KIAA2012: variants seen among roughly 807,000 people sequenced by gnomAD.
The protein encoded by KIAA2012 is uncharacterized protein KIAA2012.
In KIAA2012, 125 loss-of-function variants were observed where a neutral mutation model predicts 150.6. The ratio of observed to expected loss-of-function variants is 0.83; its 90% CI spans 0.72 to 0.96. The LOEUF (loss-of-function observed/expected upper bound fraction) is 0.96, where lower values mean the gene tolerates loss of function less well. Ranked by LOEUF, KIAA2012 falls within the 40% of genes least tolerant of loss-of-function variation. The pLI, the probability that KIAA2012 is intolerant of heterozygous loss-of-function variation, is 0.00. For missense variants in KIAA2012, 1,219 were observed against 1,354.9 expected, an observed-to-expected ratio of 0.90 and a Z score of 1.57; for synonymous variants, 462 against 504.7, an observed-to-expected ratio of 0.92 and a Z score of 1.13.
chr2:202,106,690 A>AT (rs1413029543), intron 9 of KIAA2012, among the ~76,000 whole-genome samples: 7 of 135,972 alleles, frequency 5.1e-5, no homozygotes, highest in East Asian at 2.0e-4. Context: ...CTGTCTAAAA[A>AT]TAAAAAAAAA....
chr2:202,087,064 G>T (rs945193835), intron 2 of KIAA2012, among the ~76,000 whole-genome samples: 3 of 152,122 alleles, frequency 2.0e-5, no homozygotes, highest in Non-Finnish European at 4.4e-5. Flanking sequence ...CCCACTACTT[G>T]TTTGTGTAAA....
intron 15 of KIAA2012, among the ~76,000 whole-genome samples, chr2:202,174,791 A>C (rs891632646): frequency 1.3e-5 from 2 of 152,204 alleles, no homozygotes; most frequent in African/African-American, 2.4e-5. Context: ...AAAGATGAGA[A>C]ATGACTTTTT....
Position 202,098,811 on chromosome 2 carries a change from T to C in KIAA2012, c.829-802T>C, listed in dbSNP as rs1441153143. On this transcript the variant is annotated intron_variant, in intron 5 of 23. Transcript: ENST00000498697. ...GGCCGTGTGTGTGTGTGTGTGTGTG[T>C]GTGTGTGTGCACGCGCGCGCGCGCG... is the stretch of plus-strand genomic sequence containing the variant. 2.1e-5 allele frequency among the ~76,000 whole-genome samples: 3 copies of C among 142,142 alleles called. No individual in the cohort carries two copies. In the East Asian group the frequency reaches 8.0e-4, roughly 38 times the overall value. The allele number at this position is 142,142 out of a possible 152,430, so 93.3% of individuals were successfully genotyped here. A position where few individuals can be genotyped will look rare whatever the true frequency, so the allele number is the denominator to read the frequency against.
chr2:202,150,903 T>C (rs1160294535), intron 13 of KIAA2012, among the ~76,000 whole-genome samples: 1 of 152,208 alleles, frequency 6.6e-6, no homozygotes, highest in African/African-American at 2.4e-5. Context: ...AGACCTTGAC[T>C]CCTGATCACT....
At chr2:202,109,818 C>T in intron 10 of KIAA2012, 29 bp downstream of exon 10, 1 of 1,500,778 alleles carries the variant, frequency 6.7e-7, no homozygotes, top group Non-Finnish European at 8.9e-7. Context: ...CATAGACGCC[C>T]CCCACTGGCT....
At chr2:202,168,149 G>A (rs1484859017) in intron 15 of KIAA2012, among the ~76,000 whole-genome samples, 1 of 152,068 alleles carries the variant, frequency 6.6e-6, no homozygotes, top group Non-Finnish European at 1.5e-5. Context: ...GGCCAGGCAT[G>A]GTGGCTTACA....
At chr2:202,191,256 G>A (rs886424753) in intron 19 of KIAA2012, among the ~76,000 whole-genome samples, 3 of 152,010 alleles carry the variant, frequency 2.0e-5, no homozygotes, top group Non-Finnish European at 2.9e-5. Context: ...CAACCTGGGC[G>A]ACAGAGAGAG....
At position 202,081,176 on chromosome 2, in the gene KIAA2012, G is replaced by A. The variant is rs144639448; in HGVS notation, c.369+6001G>A. Among the ~76,000 whole-genome samples, 235 of 152,314 alleles carry A rather than the reference G, an allele frequency of 1.5e-3. 1 individual carries two copies. Among genetic ancestry groups the A allele is most frequent in the Admixed American group, 0.012 (188 of 15,296 alleles). ...TGAATTCATGTTGTAGCATGTATCC[G>A]AATTTCCTTCTTTTGCAAAGCTGAG... On this transcript the variant is annotated intron_variant, in intron 2 of 23. Transcript: ENST00000498697.
Position 202,193,328 on chromosome 2 carries a change from AAGGCTTCCTGGGAC to A in KIAA2012, c.2847_2860del (p.Trp950SerfsTer134). 1 of 1,549,916 alleles carries A rather than the reference AAGGCTTCCTGGGAC, an allele frequency of 6.5e-7. No homozygotes were observed. The highest frequency in any genetic ancestry group is 8.7e-7 in the Non-Finnish European group (1 of 1,146,824). On this transcript the variant is annotated frameshift_variant, in exon 20 of 24. Coordinates refer to ENST00000498697, the MANE Select transcript of KIAA2012 (RefSeq NM_001277372.4). LOFTEE classifies it high-confidence loss of function. ...CCTCCTCACTAAGAGGGAGCAGGAGAAGGCTTCCTGGGACAGGCTTCGAGCAGAAAGAGCCGAGA... is the reference window on the plus strand; with the variant it reads ...CCTCCTCACTAAGAGGGAGCAGGAGAAGGCTTCGAGCAGAAAGAGCCGAGA...
intron 10 of KIAA2012, 76 bp downstream of exon 10, chr2:202,109,865 T>C (rs1690301481): frequency 7.5e-7 from 1 of 1,332,758 alleles, no homozygotes; most frequent in African/African-American, 1.5e-5. Context: ...ATGGCTGCTA[T>C]GATGTAAGTT....
At chr2:202,093,294 T>C in intron 4 of KIAA2012, 109 bp downstream of exon 4, 2 of 1,130,594 alleles carry the variant, frequency 1.8e-6, no homozygotes, top group East Asian at 5.1e-5. Context: ...CTGGGTTGCA[T>C]AGTCCTCAAT....
At chr2:202,118,626 A>G (rs1448815236) in intron 11 of KIAA2012, among the ~76,000 whole-genome samples, 1 of 152,208 alleles carries the variant, frequency 6.6e-6, no homozygotes, top group Non-Finnish European at 1.5e-5. Flanking sequence ...CCTGACTAAA[A>G]AGCTCTCCTT....
intron 13 of KIAA2012, among the ~76,000 whole-genome samples, chr2:202,144,321 G>C (rs977404862): frequency 2.0e-5 from 3 of 152,138 alleles, no homozygotes; most frequent in African/African-American, 4.8e-5. Flanking sequence ...GTTTACAACA[G>C]TATAAATTCA....
intron 13 of KIAA2012, among the ~76,000 whole-genome samples, chr2:202,141,377 G>A (rs1028838380): frequency 2.0e-5 from 3 of 152,076 alleles, no homozygotes; most frequent in Non-Finnish European, 4.4e-5. Flanking sequence ...GAGGGGGTGA[G>A]GTGGTGGGGG....
At chr2:202,150,782 AT>A (rs1280692050) in intron 13 of KIAA2012, among the ~76,000 whole-genome samples, 1 of 152,178 alleles carries the variant, frequency 6.6e-6, no homozygotes, top group Non-Finnish European at 1.5e-5. Context: ...CCACCAAAGT[AT>A]TCACATAAAA....
chr2:202,175,252 A>T (rs1427693529), intron 15 of KIAA2012, among the ~76,000 whole-genome samples: 1 of 152,178 alleles, frequency 6.6e-6, no homozygotes, highest in East Asian at 1.9e-4. Context: ...TGGGTCTAGA[A>T]ACTTGATCAG....
rs1171456014 is a variant in KIAA2012, at chr2:202,104,267, T to C, written c.1324+1153T>C. Among the ~76,000 whole-genome samples the C allele has an allele frequency of 6.6e-6, 1 of 152,052 alleles. No individual in the cohort carries two copies. The highest frequency in any genetic ancestry group is 1.9e-4 in the East Asian group (1 of 5,202). On this transcript the variant is annotated intron_variant, in intron 8 of 23. Transcript: ENST00000498697. This position sits in a 1 kb window ranked among gnomAD's most constrained non-coding sequence, Gnocchi z 4.3. ...GTAGATTTTACCTTGCCAAAAAAAATTACTCAGCTCCCTAAAAAAAATAAT... is the reference window on the plus strand; with the variant it reads ...GTAGATTTTACCTTGCCAAAAAAAACTACTCAGCTCCCTAAAAAAAATAAT...
At chr2:202,085,896 G>A (rs1479168059) in intron 2 of KIAA2012, among the ~76,000 whole-genome samples, 2 of 152,062 alleles carry the variant, frequency 1.3e-5, no homozygotes, top group African/African-American at 2.4e-5. Flanking sequence ...ATGGCCAGGC[G>A]CAGTGGCTCA....
intron 13 of KIAA2012, among the ~76,000 whole-genome samples, chr2:202,153,504 C>T (rs1443048943): frequency 6.6e-6 from 1 of 152,218 alleles, no homozygotes; most frequent in Admixed American, 6.5e-5. Context: ...TGCAGATAGA[C>T]CTTAGAACCT....
Sources: gnomAD v4.1 joint callset for allele counts (sites outside exome capture counted in the v4.1 genomes callset) on GRCh38, gnomAD v4.1.1 for gene constraint, Gnocchi (gnomAD v3.1) non-coding constraint, MANE v1.5 for transcripts, NCBI Gene and HGNC (gene_info 2026-07-23, HGNC 2026-07-21) for gene names.